The following PAG1 variants were observed in gnomAD, a reference collection of about 807,000 sequenced individuals.
The protein encoded by PAG1 is phosphoprotein membrane anchor with glycosphingolipid microdomains 1, also known as phosphoprotein associated with glycosphingolipid-enriched microdomains 1.
A neutral mutation model predicts 31.7 loss-of-function variants in PAG1; 23 were observed. The ratio of observed to expected loss-of-function variants is 0.73; its 90% CI spans 0.52 to 1.03. The LOEUF (loss-of-function observed/expected upper bound fraction) is 1.03. Ranked by LOEUF, PAG1 falls within the 50% of genes least tolerant of loss-of-function variation. The pLI is 0.00. For synonymous variants in PAG1, 214 were observed against 210.3 expected, an observed-to-expected ratio of 1.02 and a Z score of -0.15; for missense variants, 473 against 540.7, an observed-to-expected ratio of 0.87 and a Z score of 1.24.
At chr8:80,985,528 G>A (rs569465287) in intron 6 of PAG1, 151 bp from the exon 7 acceptor site, 130 of 711,622 alleles carry the variant, frequency 1.8e-4, no homozygotes, top group Non-Finnish European at 2.7e-4. Context: ...CCATCAGTTG[G>A]TATCCTACTT....
At chr8:81,067,656 C>T (rs1230752021) in intron 2 of PAG1, 1 of 152,242 alleles carries the variant, frequency 6.6e-6, no homozygotes, top group African/African-American at 2.4e-5. Flanking sequence ...TCTGCAATCA[C>T]CTTACAACTT....
intron 1 of PAG1, among the ~76,000 whole-genome samples, chr8:81,086,642 G>T (rs1322340583): frequency 6.6e-6 from 1 of 151,970 alleles, no homozygotes; most frequent in Non-Finnish European, 1.5e-5. Context: ...AACATAAACA[G>T]CCCAAACAAA....
chr8:81,064,134 TCTAAAGCAGTGG>T (rs1808964800), intron 2 of PAG1, among the ~76,000 whole-genome samples: 1 of 152,184 alleles, frequency 6.6e-6, no homozygotes, highest in African/African-American at 2.4e-5. Flanking sequence ...CAAGAGGACC[TCTAAAGCAGTGG>T]TCCCCAACCA....
Position 80,980,493 on chromosome 8 carries a change from C to G in PAG1, c.878G>C (p.Arg293Thr). The change falls in exon 8 of 9, where the codon AGA (arginine) becomes ACA (threonine). Residue 293 changes from arginine (R) to threonine (T), a missense_variant and splice_region_variant. Transcript: ENST00000220597. ...AGACTTGTATGACAATGAGCTAAAT[C>G]TCTGTCAGAACAAACACAAGCCAAG... ...ATDTTSETNK[R>T]FSSLSYKSRE... is the part of the protein sequence containing the mutation. 3 of 1,595,558 alleles carry G rather than the reference C, an allele frequency of 1.9e-6. No homozygotes were observed. The highest frequency in any genetic ancestry group is 2.6e-6 in the Non-Finnish European group (3 of 1,163,376).
chr8:81,052,936 T>G (rs1808756380), intron 2 of PAG1, among the ~76,000 whole-genome samples: 1 of 152,256 alleles, frequency 6.6e-6, no homozygotes, highest in Admixed American at 6.5e-5. Context: ...AGATCAAAGA[T>G]GATAAGACAA....
chr8:81,083,782 C>G (rs917150982), intron 1 of PAG1, among the ~76,000 whole-genome samples: 1 of 152,146 alleles, frequency 6.6e-6, no homozygotes, highest in African/African-American at 2.4e-5. Context: ...CACCTATGAT[C>G]CCAGCACTTT....
At chr8:81,036,051 A>C (rs1357504804) in intron 2 of PAG1, among the ~76,000 whole-genome samples, 3 of 152,116 alleles carry the variant, frequency 2.0e-5, no homozygotes, top group Non-Finnish European at 4.4e-5. Flanking sequence ...CTGGGGGAGC[A>C]GGGTGTTTAT....
At chr8:81,034,932 G>C (rs1023546309) in intron 2 of PAG1, among the ~76,000 whole-genome samples, 2 of 152,162 alleles carry the variant, frequency 1.3e-5, no homozygotes, top group African/African-American at 4.8e-5. Context: ...AGAAGAGCCT[G>C]CTGCAGCTAC....
rs981155857 is a variant in PAG1, at chr8:80,968,238, G to A, written c.*8306C>T. ...TTCTTCCGAAGAGTTGAAAGCATTC[G>A]TGCTTATCTCTATTATTTCGTTTGT... On this transcript the variant is annotated 3_prime_UTR_variant, in exon 9 of 9. Coordinates refer to ENST00000220597, the MANE Select transcript of PAG1 (RefSeq NM_018440.4). 1.3e-5 allele frequency: 2 copies of A among 152,146 alleles called. No homozygotes were observed. Among genetic ancestry groups the A allele is most frequent in the African/African-American group, 4.8e-5 (2 of 41,428 alleles). The allele number at this position is 152,146 out of a possible 1,614,324, so 9.4% of individuals were successfully genotyped here.
chr8:81,067,474 G>A (rs1422263638), intron 2 of PAG1: 1 of 152,146 alleles, frequency 6.6e-6, no homozygotes, highest in Non-Finnish European at 1.5e-5. Context: ...TTATATTCCA[G>A]GCCAACTCTT....
At chr8:80,994,496 C>T (rs1198788484) in intron 3 of PAG1, among the ~76,000 whole-genome samples, 1 of 152,186 alleles carries the variant, frequency 6.6e-6, no homozygotes, top group South Asian at 2.1e-4. Context: ...CACTGTTAAT[C>T]CCCCTTTTAC....
At position 81,088,363 on chromosome 8, in the gene PAG1, G is replaced by A. The variant is rs377017885; in HGVS notation, c.-233-18193C>T. ...GCATTCCATAATCATTATTAACTGC[G>A]GATTTTTTTCACCTCTCTTATTTTT... is the stretch of plus-strand genomic sequence containing the variant. On this transcript the variant is annotated intron_variant, in intron 1 of 8. Coordinates refer to ENST00000220597, the MANE Select transcript of PAG1 (RefSeq NM_018440.4). 2.4e-3 allele frequency among the ~76,000 whole-genome samples: 367 copies of A among 151,996 alleles called. 1 individual carries two copies. The highest frequency in any genetic ancestry group is 7.7e-3 in the African/African-American group (318 of 41,424).
chr8:81,032,642 G>C (rs112599087), intron 2 of PAG1, among the ~76,000 whole-genome samples: 6 of 152,304 alleles, frequency 3.9e-5, no homozygotes, highest in South Asian at 2.1e-4. Context: ...AAATAACGCA[G>C]CTGCTTTGAA....
intron 2 of PAG1, among the ~76,000 whole-genome samples, chr8:81,053,347 A>G (rs1015327092): frequency 2.6e-5 from 4 of 152,226 alleles, no homozygotes; most frequent in African/African-American, 9.6e-5. Flanking sequence ...ATGGCTACAC[A>G]TTTTACAATA....
At chr8:80,984,504 A>T (rs1314520467) in intron 7 of PAG1, among the ~76,000 whole-genome samples, 7 of 152,236 alleles carry the variant, frequency 4.6e-5, no homozygotes, top group Admixed American at 3.9e-4. Context: ...CATCAAAATG[A>T]AGCAAACAAG....
intron 2 of PAG1, among the ~76,000 whole-genome samples, chr8:81,061,696 C>A (rs55954933): frequency 6.6e-6 from 1 of 152,120 alleles, no homozygotes; most frequent in South Asian, 2.1e-4. Context: ...GGTCTTAGCA[C>A]CTTGTAGGTG....
At chr8:81,001,127 C>T (rs537021651) in intron 3 of PAG1, among the ~76,000 whole-genome samples, 1 of 152,238 alleles carries the variant, frequency 6.6e-6, no homozygotes, top group African/African-American at 2.4e-5. Context: ...AAAACCCTCC[C>T]ACCTCTCAGG....
intron 2 of PAG1, among the ~76,000 whole-genome samples, chr8:81,043,075 G>T (rs1233022974): frequency 2.0e-5 from 3 of 151,946 alleles, no homozygotes; most frequent in African/African-American, 7.3e-5. Context: ...CCTTTAAAAT[G>T]TTGCCCTTTT....
rs1807037175 is a variant in PAG1, at chr8:80,969,706, T to C, written c.*6838A>G. ...GAATGAGCAGAGATATCTGTTCTGCTAATTTTGAAAAAAAGTTACACTCTA... is the reference window on the plus strand; with the variant it reads ...GAATGAGCAGAGATATCTGTTCTGCCAATTTTGAAAAAAAGTTACACTCTA... On this transcript the variant is annotated 3_prime_UTR_variant, in exon 9 of 9. Coordinates refer to ENST00000220597, the MANE Select transcript of PAG1 (RefSeq NM_018440.4). 6.6e-6 allele frequency: 1 copy of C among 152,200 alleles called. No homozygotes were observed. The highest frequency in any genetic ancestry group is 6.5e-5 in the Admixed American group (1 of 15,290). 9.4% of individuals were successfully genotyped at this position (152,200 alleles called of 1,614,324 possible).
Sources: allele counts gnomAD v4.1 joint callset (sites outside exome capture counted in the v4.1 genomes callset), GRCh38; gene constraint gnomAD v4.1.1; transcripts MANE v1.5; gene names NCBI Gene and HGNC (gene_info 2026-07-23, HGNC 2026-07-21).